ATXN1L: variants seen among roughly 807,000 people sequenced by gnomAD.
ATXN1L encodes ataxin-1-like.
A neutral mutation model predicts 43.4 loss-of-function variants in ATXN1L; 8 were observed. The observed-to-expected ratio is 0.18, with a 90% confidence interval of 0.11 to 0.33. ATXN1L has a LOEUF of 0.33. Ranked by LOEUF, ATXN1L falls within the 10% of genes least tolerant of loss-of-function variation. The pLI, the probability that ATXN1L is intolerant of heterozygous loss-of-function variation, is 1.00. For missense variants in ATXN1L, 856 were observed against 885.4 expected (o/e 0.97, Z 0.42); for synonymous variants, 379 against 360.6 (o/e 1.05, Z -0.58).
Position 71,851,432 on chromosome 16 carries a change from C to A in ATXN1L, c.1692C>A (p.Phe564Leu). ...GCCCTGGGCGGACGACACAACTCTT[C>A]TCTCTGCCCTGCCATCGGCTACAGG... is the stretch of plus-strand genomic sequence containing the variant. ...SCSPGRTTQL[F>L]SLPCHRLQVG... Residue 564 changes from phenylalanine to leucine, a missense_variant, in exon 3 of 3, where the codon TTC (phenylalanine) becomes TTA (leucine). By Grantham distance (22) the Phe-to-Leu change is conservative (BLOSUM62 0). This residue lies in a region of ATXN1L where 185 missense variants were observed against 176.8 expected (regional missense o/e 1.05). Transcript: ENST00000427980. This position sits in a 1 kb window ranked among gnomAD's most constrained non-coding sequence, Gnocchi z 4.9. 4 of 1,551,672 alleles carry A rather than the reference C, an allele frequency of 2.6e-6. No homozygotes were observed. Among genetic ancestry groups the A allele is most frequent in the Non-Finnish European group, 3.5e-6 (4 of 1,146,990 alleles).
chr16:71,851,099 G>T lies in ATXN1L; in HGVS notation c.1359G>T (p.Lys453Asn). The T allele has an allele frequency of 6.4e-7, 1 of 1,551,610 alleles. No homozygotes were observed. The highest frequency in any genetic ancestry group is 1.2e-5 in the South Asian group (1 of 84,062). The change falls in exon 3 of 3, where the codon AAG (lysine) becomes AAT (asparagine). Residue 453 changes from lysine to asparagine, a missense_variant. Physicochemically the swap from Lys to Asn is moderately conservative, Grantham distance 94. Coordinates refer to ENST00000427980, the MANE Select transcript of ATXN1L (RefSeq NM_001137675.4). This position sits in a 1 kb window ranked among gnomAD's most constrained non-coding sequence, Gnocchi z 4.9. ...DVQARATFPD[K>N]EPTPPPITSS... ...AGGCCAGAGCCACCTTCCCAGACAA[G>T]GAGCCAACGCCGCCCCCCATTACCT...
intron 1 of ATXN1L, among the ~76,000 whole-genome samples, chr16:71,846,886 TAA>T (rs1280376407): frequency 2.0e-5 from 3 of 152,170 alleles, no homozygotes; most frequent in Admixed American, 6.5e-5. Flanking sequence ...AGGTTTTCTT[TAA>T]AGTTTTCGTT....
chr16:71,846,130 G>C (rs752437884), intron 1 of ATXN1L, 26 bp downstream of exon 1: 12 of 187,150 alleles, frequency 6.4e-5, no homozygotes, highest in Admixed American at 1.3e-4. Flanking sequence ...AGTGGTGGCC[G>C]CCGGGGCCAG....
chr16:71,856,782 G>A lies in ATXN1L; in HGVS notation c.*4972G>A, dbSNP rs998192654. ...ACCTTAGGCGAGGGAAGAATATACGGATAGGGAATGGGGTGGAGAAAGGAT... is the reference window on the plus strand; with the variant it reads ...ACCTTAGGCGAGGGAAGAATATACGAATAGGGAATGGGGTGGAGAAAGGAT... On this transcript the variant is annotated 3_prime_UTR_variant, in exon 3 of 3. Transcript: ENST00000427980. 1.2e-5 allele frequency: 2 copies of A among 167,162 alleles called. No individual in the cohort carries two copies. The highest frequency in any genetic ancestry group is 4.8e-5 in the African/African-American group (2 of 41,448). The allele number at this position is 167,162 out of a possible 1,614,324, so 10.4% of individuals were successfully genotyped here. A position where few individuals can be genotyped will look rare whatever the true frequency, so the allele number is the denominator to read the frequency against.
rs1014552115 is a variant in ATXN1L, at chr16:71,850,004, G to A, written c.264G>A (p.Pro88=). The part of the protein sequence containing the change: ...QYGMLYKVAV[P]PATFSPTGLP... Reference sequence around the variant, plus strand: ...GCATGCTGTATAAGGTGGCTGTGCCGCCTGCCACCTTTTCACCAACTGGAC... The same window carrying A: ...GCATGCTGTATAAGGTGGCTGTGCCACCTGCCACCTTTTCACCAACTGGAC... Residue 88 remains proline (P), a synonymous_variant, in exon 3 of 3, where the codon CCG becomes CCA. Coordinates refer to ENST00000427980, the MANE Select transcript of ATXN1L (RefSeq NM_001137675.4). The A allele has an allele frequency of 6.8e-5, 105 of 1,551,498 alleles. No individual in the cohort carries two copies. The highest frequency in any genetic ancestry group is 1.7e-4 in the Middle Eastern group (1 of 6,014).
Position 71,855,075 on chromosome 16 carries a change from G to A in ATXN1L, c.*3265G>A. ...ACTGCTGCTGTCCGCTCACTGTCCTGCCTGCTGTCCTCTACAGCTCCCTAT... is the reference window on the plus strand; with the variant it reads ...ACTGCTGCTGTCCGCTCACTGTCCTACCTGCTGTCCTCTACAGCTCCCTAT... On this transcript the variant is annotated 3_prime_UTR_variant, in exon 3 of 3. Transcript: ENST00000427980. 6.0e-6 allele frequency: 1 copy of A among 167,702 alleles called. No homozygotes were observed. Among genetic ancestry groups the A allele is most frequent in the Non-Finnish European group, 1.5e-5 (1 of 68,488 alleles). The allele number at this position is 167,702 out of a possible 1,614,324, so 10.4% of individuals were successfully genotyped here.
chr16:71,851,707 A>G lies in ATXN1L; in HGVS notation c.1967A>G (p.Tyr656Cys). 6.7e-7 allele frequency: 1 copy of G among 1,484,106 alleles called. No individual in the cohort carries two copies. The highest frequency in any genetic ancestry group is 1.3e-5 in the South Asian group (1 of 75,122). 91.9% of individuals were successfully genotyped at this position (1,484,106 alleles called of 1,614,324 possible). Residue 656 changes from tyrosine (Y) to cysteine (C), a missense_variant, in exon 3 of 3, where the codon TAC (tyrosine) becomes TGC (cysteine). Tyr to Cys is a radical substitution (Grantham distance 194, BLOSUM62 -2). This residue lies in a region of ATXN1L where 185 missense variants were observed against 176.8 expected (regional missense o/e 1.05). Transcript: ENST00000427980. This position sits in a 1 kb window ranked among gnomAD's most constrained non-coding sequence, Gnocchi z 4.9. ...TGGCCAGCCCCGAGCTTCCAAAGAT[A>G]CAGCATGCAAGGGGAGGAGGCACGG... ...ACWPAPSFQR[Y>C]SMQGEEARAA... is the part of the protein sequence containing the mutation.
At chr16:71,848,191 G>A (rs1214004294) in intron 2 of ATXN1L, 120 bp downstream of exon 2, 1 of 397,978 alleles carries the variant, frequency 2.5e-6, no homozygotes, top group East Asian at 7.4e-5. Context: ...GAACCTGGTT[G>A]GAAGAAATAG....
rs757991869 is a variant in ATXN1L at position 71,849,929 on chromosome 16, G to T, written c.189G>T (p.Leu63=). The T allele has an allele frequency of 3.9e-6, 6 of 1,550,990 alleles. No homozygotes were observed. The highest frequency in any genetic ancestry group is 2.4e-5 in the South Asian group (2 of 84,044). The change falls in exon 3 of 3, where the codon CTG becomes CTT. Residue 63 remains leucine (L), a synonymous_variant. Transcript: ENST00000427980. ...GQSQAGARVS[L]GGDGAEAITG... ...GCCAGGCAGGAGCCAGAGTCAGCCT[G>T]GGGGGTGATGGAGCTGAGGCCATCA...
At position 71,851,684 on chromosome 16, in the gene ATXN1L, G is replaced by A; in HGVS notation, c.1944G>A (p.Trp648Ter). 6.7e-7 allele frequency: 1 copy of A among 1,500,640 alleles called. No homozygotes were observed. Among genetic ancestry groups the A allele is most frequent in the Non-Finnish European group, 8.9e-7 (1 of 1,119,602 alleles). 93.0% of individuals were successfully genotyped at this position (1,500,640 alleles called of 1,614,324 possible). Reference sequence around the variant, plus strand: ...CTGAGTCCGGTGCTCAGGCCTGCTGGCCAGCCCCGAGCTTCCAAAGATACA... The same window carrying A: ...CTGAGTCCGGTGCTCAGGCCTGCTGACCAGCCCCGAGCTTCCAAAGATACA... Reference protein sequence around the residue: ...SQPESGAQACWPAPSFQRYSM... With the variant: ...SQPESGAQAC The change falls in exon 3 of 3, where the codon TGG becomes TGA. Residue 648 changes from tryptophan (W) to a stop codon, truncating the protein, a stop_gained. Transcript: ENST00000427980. LOFTEE classifies it high-confidence loss of function. This position sits in a 1 kb window ranked among gnomAD's most constrained non-coding sequence, Gnocchi z 4.9.
At chr16:71,848,928 C>T (rs975566227) in intron 2 of ATXN1L, among the ~76,000 whole-genome samples, 2 of 152,076 alleles carry the variant, frequency 1.3e-5, no homozygotes, top group African/African-American at 4.8e-5. Flanking sequence ...AAAGAGCCAG[C>T]AGGAGGCTGG....
chr16:71,851,904 G>C lies in ATXN1L; in HGVS notation c.*94G>C. 2.3e-6 allele frequency: 3 copies of C among 1,302,262 alleles called. No homozygotes were observed. The highest frequency in any genetic ancestry group is 3.0e-6 in the Non-Finnish European group (3 of 1,001,372). The allele number at this position is 1,302,262 out of a possible 1,614,324, so 80.7% of individuals were successfully genotyped here. On this transcript the variant is annotated 3_prime_UTR_variant, in exon 3 of 3. Coordinates refer to ENST00000427980, the MANE Select transcript of ATXN1L (RefSeq NM_001137675.4). This position sits in a 1 kb window ranked among gnomAD's most constrained non-coding sequence, Gnocchi z 4.9. The stretch of plus-strand genomic sequence containing the variant: ...GATTTGCACACGCCGAGCAGGGAAT[G>C]GCTTTCTTGGCAGTGAGATTTGGGG...
At position 71,850,656 on chromosome 16, in the gene ATXN1L, G is replaced by A. The variant is rs1210826874; in HGVS notation, c.916G>A (p.Val306Met). Residue 306 changes from valine (V) to methionine (M), a missense_variant, in exon 3 of 3, where the codon GTG (valine) becomes ATG (methionine). Val to Met is a conservative substitution (Grantham distance 21). Coordinates refer to ENST00000427980, the MANE Select transcript of ATXN1L (RefSeq NM_001137675.4). ...GQGLVPVVEC[V>M]VDGQLFSGSQ... ...GGGACTGGTGCCAGTGGTAGAATGT[G>A]TGGTGGATGGACAGTTGTTTTCAGG... The A allele has an allele frequency of 6.4e-7, 1 of 1,551,746 alleles. No individual in the cohort carries two copies. The highest frequency in any genetic ancestry group is 1.4e-5 in the African/African-American group (1 of 73,184).
chr16:71,849,821 G>A lies in ATXN1L; in HGVS notation c.81G>A (p.Gly27=). 6.4e-7 allele frequency: 1 copy of A among 1,551,064 alleles called. No homozygotes were observed. The highest frequency in any genetic ancestry group is 8.7e-7 in the Non-Finnish European group (1 of 1,146,648). The change falls in exon 3 of 3, where the codon GGG becomes GGA. Residue 27 remains glycine, a synonymous_variant. Coordinates refer to ENST00000427980, the MANE Select transcript of ATXN1L (RefSeq NM_001137675.4). ...RDLPVTSEDM[G]RTTSCSTNHT... ...TCCCCGTGACCAGCGAGGATATGGG[G>A]AGAACTACCAGCTGCTCCACTAACC...
chr16:71,856,506 C>T lies in ATXN1L; in HGVS notation c.*4696C>T, dbSNP rs746636947. The T allele has an allele frequency of 6.0e-5, 10 of 167,154 alleles. No individual in the cohort carries two copies. Among genetic ancestry groups the T allele is most frequent in the African/African-American group, 9.7e-5 (4 of 41,436 alleles). 10.4% of individuals were successfully genotyped at this position (167,154 alleles called of 1,614,324 possible). A position where few individuals can be genotyped will look rare whatever the true frequency, so the allele number is the denominator to read the frequency against. On this transcript the variant is annotated 3_prime_UTR_variant, in exon 3 of 3. Coordinates refer to ENST00000427980, the MANE Select transcript of ATXN1L (RefSeq NM_001137675.4). ...CCACCCCCTGGGCAGGGAGTTTGCA[C>T]GTAGTTGTGAGCTGTGAGTGGTTAG... is the stretch of plus-strand genomic sequence containing the variant.
In ATXN1L at chr16:71,850,975, C is replaced by A. The variant is rs746136067; in HGVS notation, c.1235C>A (p.Ala412Glu). Residue 412 changes from alanine (A) to glutamate (E), a missense_variant, in exon 3 of 3, where the codon GCA (alanine) becomes GAA (glutamate). Ala to Glu is a moderately radical substitution (Grantham distance 107). This residue lies in a region of ATXN1L where 490 missense variants were observed against 449.4 expected (regional missense o/e 1.09). Coordinates refer to ENST00000427980, the MANE Select transcript of ATXN1L (RefSeq NM_001137675.4). ...EPVKHRPLPKAMVVANGNLVP... is the reference protein window; with the variant it reads ...EPVKHRPLPKEMVVANGNLVP... ...GTAAAACATAGACCTTTACCCAAAG[C>A]AATGGTTGTAGCCAATGGCAACCTG... The A allele has an allele frequency of 2.8e-5, 43 of 1,551,572 alleles. No individual in the cohort carries two copies. Among genetic ancestry groups the A allele is most frequent in the Non-Finnish European group, 3.5e-5 (40 of 1,147,000 alleles).
Position 71,851,431 on chromosome 16 carries a change from T to C in ATXN1L, c.1691T>C (p.Phe564Ser). 6.4e-7 allele frequency: 1 copy of C among 1,551,520 alleles called. No homozygotes were observed. Among genetic ancestry groups the C allele is most frequent in the Non-Finnish European group, 8.7e-7 (1 of 1,146,962 alleles). ...SCSPGRTTQL[F>S]SLPCHRLQVG... ...AGCCCTGGGCGGACGACACAACTCT[T>C]CTCTCTGCCCTGCCATCGGCTACAG... Residue 564 changes from phenylalanine (F) to serine (S), a missense_variant, in exon 3 of 3, where the codon TTC becomes TCC. Coordinates refer to ENST00000427980, the MANE Select transcript of ATXN1L (RefSeq NM_001137675.4). The surrounding 1 kb of genome is among the most constrained non-coding windows in gnomAD (Gnocchi z 4.9).
At position 71,851,746 on chromosome 16, in the gene ATXN1L, G is replaced by A. The variant is rs2033506005; in HGVS notation, c.2006G>A (p.Arg669His). The change falls in exon 3 of 3, where the codon CGT becomes CAT. Residue 669 changes from arginine to histidine, a missense_variant. Arg to His is a conservative substitution (Grantham distance 29). Around this residue, in one of 7 missense-constraint regions of ATXN1L, gnomAD observed 185 missense variants for 176.8 expected, o/e 1.05. Transcript: ENST00000427980. The surrounding 1 kb of genome is among the most constrained non-coding windows in gnomAD (Gnocchi z 4.9). Reference sequence around the variant, plus strand: ...GAGGAGGCACGGGCTGCGCTGCTCCGTCCCTCTTTCATTCCACAGGAGGTA... The same window carrying A: ...GAGGAGGCACGGGCTGCGCTGCTCCATCCCTCTTTCATTCCACAGGAGGTA... ...QGEEARAALL[R>H]PSFIPQEVKL... 8.3e-6 allele frequency: 12 copies of A among 1,451,404 alleles called. No individual in the cohort carries two copies. The highest frequency in any genetic ancestry group is 1.8e-4 in the Middle Eastern group (1 of 5,520). 89.9% of individuals were successfully genotyped at this position (1,451,404 alleles called of 1,614,324 possible). A position where few individuals can be genotyped will look rare whatever the true frequency, so the allele number is the denominator to read the frequency against.
In ATXN1L at chr16:71,853,355, A is replaced by G. The variant is rs1019315020; in HGVS notation, c.*1545A>G. The G allele has an allele frequency of 6.0e-6, 1 of 166,572 alleles. No homozygotes were observed. The highest frequency in any genetic ancestry group is 6.6e-5 in the Admixed American group (1 of 15,224). 10.3% of individuals were successfully genotyped at this position (166,572 alleles called of 1,614,324 possible). ...TGGGTATTGGGAATTAGGCTCCCCC[A>G]CTAGCTTTCAGGTGGGTAAGTTTTT... On this transcript the variant is annotated 3_prime_UTR_variant, in exon 3 of 3. Coordinates refer to ENST00000427980, the MANE Select transcript of ATXN1L (RefSeq NM_001137675.4).
Sources: allele counts gnomAD v4.1 joint callset (sites outside exome capture counted in the v4.1 genomes callset), GRCh38; gene constraint gnomAD v4.1.1; regional missense constraint gnomAD v4.1.1; non-coding constraint Gnocchi (gnomAD v3.1); transcripts MANE v1.5; gene names NCBI Gene and HGNC (gene_info 2026-07-23, HGNC 2026-07-21).